The following CDH13 variants were observed in gnomAD, a reference collection of about 807,000 sequenced individuals.
CDH13 encodes the protein cadherin 13.
In CDH13, 24 loss-of-function variants were observed where a neutral mutation model predicts 63.8. The ratio of observed to expected loss-of-function variants is 0.38; its 90% CI spans 0.27 to 0.53. CDH13 has a LOEUF of 0.53. Among genes scored for constraint, CDH13 ranks in the 20% least tolerant of loss-of-function variants. The pLI is 0.85. For synonymous variants in CDH13, 503 were observed against 355.3 expected (o/e 1.42, Z -4.67); for missense variants, 1,049 against 903.1 (o/e 1.16, Z -2.07).
Position 83,153,183 on chromosome 16 carries a change from G to A in CDH13, c.483+27682G>A, listed in dbSNP as rs887100585. Among the ~76,000 whole-genome samples the A allele has an allele frequency of 3.3e-5, 5 of 152,264 alleles. No individual in the cohort carries two copies. In the East Asian group the frequency reaches 9.7e-4, roughly 29 times the overall value. Reference sequence around the variant, plus strand: ...GGATCAGAGTTTTTAAAGACAATTTGGTGGGAGGGGAGGGGCAGTGAGTTG... The same window carrying A: ...GGATCAGAGTTTTTAAAGACAATTTAGTGGGAGGGGAGGGGCAGTGAGTTG... On this transcript the variant is annotated intron_variant, in intron 4 of 13. Transcript: ENST00000567109.
chr16:83,397,056 G>T (rs79669067), intron 6 of CDH13, among the ~76,000 whole-genome samples: 5,558 of 152,050 alleles, frequency 0.037, 125 homozygotes, highest in East Asian at 0.14. Flanking sequence ...CTATGTCCTC[G>T]CTCTGGCCCT....
chr16:82,907,848 TC>T (rs1031010779), intron 2 of CDH13, among the ~76,000 whole-genome samples: 2 of 152,136 alleles, frequency 1.3e-5, no homozygotes, highest in Non-Finnish European at 2.9e-5. Flanking sequence ...TTGAGTATGT[TC>T]CCCCCAAAGT....
intron 1 of CDH13, chr16:82,639,581 C>T (rs187867954): frequency 2.9e-6 from 2 of 683,498 alleles, no homozygotes; most frequent in Admixed American, 4.7e-5. Context: ...AATTCTTTCC[C>T]CAAACAAAAA....
intron 2 of CDH13, among the ~76,000 whole-genome samples, chr16:82,890,031 C>G (rs1223762185): frequency 1.3e-5 from 2 of 152,198 alleles, no homozygotes; most frequent in Non-Finnish European, 2.9e-5. Context: ...GGTTTCAGTG[C>G]TATATCTAAT....
chr16:83,234,574 A>G (rs1019897056), intron 5 of CDH13, among the ~76,000 whole-genome samples: 4 of 152,150 alleles, frequency 2.6e-5, no homozygotes, highest in African/African-American at 9.7e-5. Context: ...TTGACTGAGC[A>G]CCGCTGGGGT....
chr16:83,355,624 A>T (rs1195047272), intron 6 of CDH13, among the ~76,000 whole-genome samples: 3 of 152,226 alleles, frequency 2.0e-5, no homozygotes, highest in Non-Finnish European at 4.4e-5. Context: ...CTTTCAACAA[A>T]TACCTTTAGA....
At chr16:83,562,120 T>C (rs2075720515) in intron 7 of CDH13, among the ~76,000 whole-genome samples, 1 of 152,164 alleles carries the variant, frequency 6.6e-6, no homozygotes, top group African/African-American at 2.4e-5. Context: ...AAAGTCTGCA[T>C]GGGGCTCCAG....
chr16:82,794,978 G>A (rs752881927), intron 1 of CDH13, among the ~76,000 whole-genome samples: 10 of 152,134 alleles, frequency 6.6e-5, no homozygotes, highest in African/African-American at 1.4e-4. Flanking sequence ...TCCCAGTCCT[G>A]AGAGATTCTG....
intron 7 of CDH13, among the ~76,000 whole-genome samples, chr16:83,561,580 GCTATCAGCA>G (rs1445667460): frequency 6.6e-6 from 1 of 152,080 alleles, no homozygotes; most frequent in Non-Finnish European, 1.5e-5. Context: ...TATTTACTAG[GCTATCAGCA>G]CTGGTCTAAG....
At chr16:82,683,988 T>C (rs1914814615) in intron 1 of CDH13, among the ~76,000 whole-genome samples, 1 of 152,268 alleles carries the variant, frequency 6.6e-6, no homozygotes, top group Admixed American at 6.5e-5. Flanking sequence ...AAATCTGCTC[T>C]AAGCAGTTGG....
chr16:83,290,127 ATGT>A (rs966493632), intron 5 of CDH13, among the ~76,000 whole-genome samples: 32 of 152,116 alleles, frequency 2.1e-4, no homozygotes, highest in African/African-American at 7.0e-4. Flanking sequence ...AGTCAGATGC[ATGT>A]TGTTGTTGCA....
intron 5 of CDH13, among the ~76,000 whole-genome samples, chr16:83,219,598 A>C (rs1191380876): frequency 6.6e-6 from 1 of 152,200 alleles, no homozygotes; most frequent in Non-Finnish European, 1.5e-5. Flanking sequence ...AATGATATTA[A>C]AGGTGAAGGA....
At chr16:83,345,096 T>G (rs905667888) in intron 6 of CDH13, 90 bp downstream of exon 6, 2 of 1,422,156 alleles carry the variant, frequency 1.4e-6, no homozygotes, top group African/African-American at 2.8e-5. Context: ...TTATGGCTGT[T>G]CCAACTTGTC....
At chr16:82,803,566 C>A (rs76012821) in intron 1 of CDH13, among the ~76,000 whole-genome samples, 1 of 152,000 alleles carries the variant, frequency 6.6e-6, no homozygotes, top group South Asian at 2.1e-4. Flanking sequence ...CGCTCTAAGT[C>A]GTTTAGGTGT....
chr16:83,732,195 A>G (rs1459129042), intron 10 of CDH13, among the ~76,000 whole-genome samples: 1 of 152,272 alleles, frequency 6.6e-6, no homozygotes, highest in Non-Finnish European at 1.5e-5. Context: ...GTGTGATTAC[A>G]GCTTACAGCT....
chr16:83,757,901 G>A (rs1251397463), intron 11 of CDH13, among the ~76,000 whole-genome samples: 1 of 152,014 alleles, frequency 6.6e-6, no homozygotes, highest in African/African-American at 2.4e-5. Context: ...GCCGAGGCAG[G>A]AAGATCACTT....
At chr16:82,728,188 C>T (rs890445132) in intron 1 of CDH13, among the ~76,000 whole-genome samples, 1 of 152,150 alleles carries the variant, frequency 6.6e-6, no homozygotes, top group Non-Finnish European at 1.5e-5. Context: ...GCATTAAAAA[C>T]ATTTGATAAT....
chr16:82,789,906 C>G (rs571623354), intron 1 of CDH13, among the ~76,000 whole-genome samples: 1 of 152,136 alleles, frequency 6.6e-6, no homozygotes. Context: ...GAGGAAGAAT[C>G]AGGGTGGTGA....
intron 2 of CDH13, among the ~76,000 whole-genome samples, chr16:82,893,026 C>G (rs781002901): frequency 1.3e-4 from 20 of 152,118 alleles, no homozygotes; most frequent in Non-Finnish European, 2.6e-4. Context: ...AGAAATATGC[C>G]TTTAATGAAT....
Sources: allele counts gnomAD v4.1 joint callset (sites outside exome capture counted in the v4.1 genomes callset), GRCh38; gene constraint gnomAD v4.1.1; transcripts MANE v1.5; gene names NCBI Gene and HGNC (gene_info 2026-07-23, HGNC 2026-07-21).